Variants in TMEM132C observed in about 807,000 individuals in gnomAD.
TMEM132C encodes transmembrane protein 132C.
In TMEM132C, 29 loss-of-function variants were observed where a neutral mutation model predicts 61.4. That is an observed-to-expected ratio of 0.47 (90% CI 0.35 to 0.64). TMEM132C has a LOEUF of 0.64. Among genes scored for constraint, TMEM132C ranks in the 30% least tolerant of loss-of-function variants. TMEM132C has a pLI of 0.00. For synonymous variants in TMEM132C, 656 were observed against 633.1 expected (o/e 1.04, Z -0.54); for missense variants, 1,408 against 1,476.9 (o/e 0.95, Z 0.76).
intron 2 of TMEM132C, among the ~76,000 whole-genome samples, chr12:128,452,886 G>A (rs1020467150): frequency 6.6e-6 from 1 of 152,100 alleles, no homozygotes; most frequent in African/African-American, 2.4e-5. Flanking sequence ...AGTAGCATGA[G>A]TTTTTCATTT....
intron 2 of TMEM132C, among the ~76,000 whole-genome samples, chr12:128,508,874 GTGTCA>G (rs992148064): frequency 6.6e-5 from 10 of 152,260 alleles, no homozygotes; most frequent in African/African-American, 2.4e-4. Flanking sequence ...ATGTCATGTC[GTGTCA>G]TGTCATGTCA....
chr12:128,467,144 G>A lies in TMEM132C; in HGVS notation c.974+51524G>A, dbSNP rs149784613. Among the ~76,000 whole-genome samples, 168 of 152,300 alleles carry A rather than the reference G, an allele frequency of 1.1e-3. No homozygotes were observed. In the Middle Eastern group the frequency reaches 0.017, roughly 15 times the overall value. ...CGTTCATAGTGCAAGCATCAGACAT[G>A]TTGCTAATTTGATAGAAAATCCTCC... On this transcript the variant is annotated intron_variant, in intron 2 of 8. Transcript: ENST00000435159.
chr12:128,529,085 CTTATAA>C (rs992331828), intron 2 of TMEM132C, among the ~76,000 whole-genome samples: 3 of 151,990 alleles, frequency 2.0e-5, no homozygotes, highest in Admixed American at 6.6e-5. Flanking sequence ...ATAACACTCA[CTTATAA>C]TTATAACACT....
intron 1 of TMEM132C, among the ~76,000 whole-genome samples, chr12:128,268,392 C>T (rs1019219167): frequency 1.3e-5 from 2 of 152,238 alleles, no homozygotes; most frequent in Admixed American, 1.3e-4. Flanking sequence ...AGGCGGTCTC[C>T]AGCCCCAGGA....
In TMEM132C at chr12:128,366,951, A is replaced by G. The variant is rs139630788; in HGVS notation, c.86-47781A>G. On this transcript the variant is annotated intron_variant, in intron 1 of 8. Transcript: ENST00000435159. ...AGAAATGTGTGCAGAAGTAAGTCAC[A>G]TGGGTGACATGGGAGTGAGGACCTG... is the stretch of plus-strand genomic sequence containing the variant. Among the ~76,000 whole-genome samples, 90 of 152,340 alleles carry G rather than the reference A, an allele frequency of 5.9e-4. 1 individual carries two copies. In the East Asian group the frequency reaches 0.016, roughly 27 times the overall value.
At chr12:128,681,395 C>A (rs1247349892) in intron 5 of TMEM132C, among the ~76,000 whole-genome samples, 1 of 152,068 alleles carries the variant, frequency 6.6e-6, no homozygotes, top group African/African-American at 2.4e-5. Flanking sequence ...GTAAAATTAC[C>A]CCTTATATCT....
intron 6 of TMEM132C, among the ~76,000 whole-genome samples, chr12:128,695,061 C>A (rs1260678173): frequency 1.3e-5 from 2 of 152,212 alleles, no homozygotes; most frequent in Non-Finnish European, 2.9e-5. Flanking sequence ...CCTGCCACAT[C>A]TCAAGTGTGT....
At chr12:128,542,569 C>G (rs1873794733) in intron 2 of TMEM132C, among the ~76,000 whole-genome samples, 1 of 152,152 alleles carries the variant, frequency 6.6e-6, no homozygotes, top group Non-Finnish European at 1.5e-5. Flanking sequence ...GCCTCCTAAA[C>G]TGCTGGGATT....
chr12:128,560,984 G>A (rs1249498747), intron 3 of TMEM132C, among the ~76,000 whole-genome samples: 1 of 152,144 alleles, frequency 6.6e-6, no homozygotes, highest in Non-Finnish European at 1.5e-5. Context: ...GCTGAAAGAA[G>A]GGCGCCCTAG....
chr12:128,529,508 A>G (rs111642687), intron 2 of TMEM132C, among the ~76,000 whole-genome samples: 11,768 of 152,170 alleles, frequency 0.077, 1,518 homozygotes, highest in African/African-American at 0.27. Flanking sequence ...TAAGGGCCAG[A>G]CGTGGTGGCT....
intron 3 of TMEM132C, among the ~76,000 whole-genome samples, chr12:128,566,206 A>AAAAAAAAAAAAAAAAAAAAAC: frequency 6.6e-6 from 1 of 151,902 alleles, no homozygotes; most frequent in African/African-American, 2.4e-5. Context: ...AAAAAAAAAA[A>AAAAAAAAAAAAAAAAAAAAAC]AGTTTTAATC....
intron 1 of TMEM132C, among the ~76,000 whole-genome samples, chr12:128,340,896 T>TTCTCTCTTTCTC (rs1198503844): frequency 7.5e-6 from 1 of 132,946 alleles, no homozygotes; most frequent in African/African-American, 3.2e-5. Context: ...TTTTCTTTCT[T>TTCTCTCTTTCTC]TCTCTCTTTC....
At chr12:128,608,725 A>T (rs999338960) in intron 3 of TMEM132C, among the ~76,000 whole-genome samples, 2 of 152,190 alleles carry the variant, frequency 1.3e-5, no homozygotes, top group Non-Finnish European at 2.9e-5. Flanking sequence ...ACCTCTCAAG[A>T]TTCTGATTCT....
intron 3 of TMEM132C, among the ~76,000 whole-genome samples, chr12:128,568,055 C>G (rs2136168749): frequency 6.6e-6 from 1 of 152,176 alleles, no homozygotes; most frequent in Admixed American, 6.5e-5. Flanking sequence ...ACATTTACTG[C>G]TGGCCTCCTC....
chr12:128,510,933 G>A (rs964346572), intron 2 of TMEM132C, among the ~76,000 whole-genome samples: 1 of 152,180 alleles, frequency 6.6e-6, no homozygotes, highest in South Asian at 2.1e-4. Flanking sequence ...CTCACCCACC[G>A]ATGTCCACGT....
chr12:128,304,865 G>A (rs1352316520), intron 1 of TMEM132C, among the ~76,000 whole-genome samples: 1 of 152,176 alleles, frequency 6.6e-6, no homozygotes, highest in Non-Finnish European at 1.5e-5. Flanking sequence ...GATGGGACAA[G>A]TTGGGTGGAA....
chr12:128,396,089 C>T (rs911672310), intron 1 of TMEM132C, among the ~76,000 whole-genome samples: 8 of 152,064 alleles, frequency 5.3e-5, no homozygotes, highest in Admixed American at 1.3e-4. Context: ...TTCATGGAGC[C>T]GTTGAATAAG....
chr12:128,288,848 G>C (rs2135906404), intron 1 of TMEM132C: 1 of 152,576 alleles, frequency 6.6e-6, no homozygotes, highest in East Asian at 1.9e-4. Context: ...ACATCTTCTT[G>C]CTTTCCCCTC....
intron 1 of TMEM132C, among the ~76,000 whole-genome samples, chr12:128,325,539 T>C (rs1872480580): frequency 6.6e-6 from 1 of 152,194 alleles, no homozygotes; most frequent in Admixed American, 6.5e-5. Context: ...TGTATGTATA[T>C]ATGTATATAC....
Sources: gnomAD v4.1 joint callset for allele counts (sites outside exome capture counted in the v4.1 genomes callset) on GRCh38, gnomAD v4.1.1 for gene constraint, MANE v1.5 for transcripts, NCBI Gene and HGNC (gene_info 2026-07-23, HGNC 2026-07-21) for gene names.